ACACA: variants seen among roughly 807,000 people sequenced by gnomAD.
ACACA encodes acetyl-CoA carboxylase alpha, also known as acetyl-CoA carboxylase 1.
Under a neutral mutation model 296.1 loss-of-function variants are expected in ACACA, and 103 were observed. The observed-to-expected ratio is 0.35, with a 90% CI of 0.30 to 0.41. The LOEUF is 0.41. Ranked by LOEUF, ACACA falls within the 10% of genes least tolerant of loss-of-function variation. ACACA has a pLI of 1.00. For missense variants in ACACA, 1,554 were observed against 2,989.7 expected, an observed-to-expected ratio of 0.52 and a Z score of 11.20; for synonymous variants, 953 against 1,038.6, an observed-to-expected ratio of 0.92 and a Z score of 1.58.
intron 1 of ACACA, chr17:37,391,730 T>G: frequency 6.2e-7 from 1 of 1,611,182 alleles, no homozygotes; most frequent in South Asian, 1.1e-5. Context: ...TCTGAAAAGT[T>G]CTGCTCTATC....
chr17:37,256,775 A>C (rs1200714703), intron 14 of ACACA, among the ~76,000 whole-genome samples: 1 of 152,174 alleles, frequency 6.6e-6, no homozygotes, highest in Non-Finnish European at 1.5e-5. Context: ...TATAAAACTA[A>C]TCAATAAGTG....
intron 39 of ACACA, among the ~76,000 whole-genome samples, chr17:37,183,179 T>G (rs575752486): frequency 6.6e-6 from 1 of 152,132 alleles, no homozygotes; most frequent in Non-Finnish European, 1.5e-5. Flanking sequence ...AGACAAGACC[T>G]TGAGACTCGG....
chr17:37,120,824 T>C (rs1053521836), intron 50 of ACACA, among the ~76,000 whole-genome samples: 1 of 152,202 alleles, frequency 6.6e-6, no homozygotes, highest in Non-Finnish European at 1.5e-5. Flanking sequence ...TCCCATAGCA[T>C]GGAGTAGAGC....
At chr17:37,248,811 G>A in intron 16 of ACACA, 137 bp from the exon 17 acceptor site, 1 of 628,388 alleles carries the variant, frequency 1.6e-6, no homozygotes, top group South Asian at 1.5e-5. Flanking sequence ...TCGTTTGTAA[G>A]GAATTGATCA....
intron 27 of ACACA, among the ~76,000 whole-genome samples, chr17:37,223,896 TC>T (rs2079411514): frequency 6.6e-6 from 1 of 152,272 alleles, no homozygotes; most frequent in Non-Finnish European, 1.5e-5. Flanking sequence ...CTGACATTTA[TC>T]TGAACTCTCT....
chr17:37,207,617 A>C (rs762656885), intron 31 of ACACA, 40 bp downstream of exon 31: 3 of 1,612,416 alleles, frequency 1.9e-6, no homozygotes, highest in Admixed American at 1.7e-5. Context: ...ACAGATGTCC[A>C]TGGCTCCCCT....
chr17:37,195,475 T>C (rs1260044094), intron 35 of ACACA, among the ~76,000 whole-genome samples: 1 of 152,084 alleles, frequency 6.6e-6, no homozygotes, highest in Non-Finnish European at 1.5e-5. Context: ...AAAACCACTT[T>C]CATTAAGGTT....
intron 25 of ACACA, among the ~76,000 whole-genome samples, chr17:37,226,712 G>A (rs1046276170): frequency 2.0e-5 from 3 of 152,068 alleles, no homozygotes; most frequent in Admixed American, 1.3e-4. Flanking sequence ...CTTTTAACAC[G>A]CAGAAGGAAT....
At chr17:37,351,178 C>T (rs1490700842) in intron 1 of ACACA, among the ~76,000 whole-genome samples, 1 of 151,880 alleles carries the variant, frequency 6.6e-6, no homozygotes, top group East Asian at 1.9e-4. Flanking sequence ...AATGTTGAAA[C>T]AGGCTGGGTG....
chr17:37,210,516 T>A (rs896166501), intron 29 of ACACA, 26 bp from the exon 30 acceptor site: 4 of 1,606,154 alleles, frequency 2.5e-6, no homozygotes, highest in Non-Finnish European at 3.4e-6. Flanking sequence ...CACAGTTAGT[T>A]ACTGATAAGT....
intron 48 of ACACA, among the ~76,000 whole-genome samples, chr17:37,123,987 A>G (rs994846317): frequency 2.0e-5 from 3 of 152,238 alleles, no homozygotes; most frequent in African/African-American, 7.2e-5. Context: ...GCACATGAAG[A>G]TGCTACATCT....
At chr17:37,140,872 C>T (rs971752292) in intron 45 of ACACA, 32 of 243,828 alleles carry the variant, frequency 1.3e-4, no homozygotes, top group Non-Finnish European at 2.1e-4. Flanking sequence ...GCACCAGGGC[C>T]GAGATGATGC....
chr17:37,299,651 G>C, intron 3 of ACACA: 3 of 1,113,704 alleles, frequency 2.7e-6, no homozygotes, highest in Non-Finnish European at 3.3e-6. Flanking sequence ...ATAAAAGCTT[G>C]TTTAACTAGA....
Position 37,406,289 on chromosome 17 carries a change from GACC to G in ACACA, c.8_10del (p.Trp3del). The G allele has an allele frequency of 6.2e-7, 1 of 1,614,166 alleles. No individual in the cohort carries two copies. Among genetic ancestry groups the G allele is most frequent in the East Asian group, 2.2e-5 (1 of 44,884 alleles). ...AGCCCTCAAGATTGACATCAGAGTA[GACC>G]ACCACATCCTCTCATCATTGCGCCT... On this transcript the variant is annotated inframe_deletion, in exon 1 of 56. Coordinates refer to ENST00000616317, the MANE Select transcript of ACACA (RefSeq NM_198834.3).
At chr17:37,172,901 G>A (rs1012469765) in intron 41 of ACACA, among the ~76,000 whole-genome samples, 6 of 152,076 alleles carry the variant, frequency 3.9e-5, no homozygotes, top group Non-Finnish European at 8.8e-5. Flanking sequence ...GACCCGCTTC[G>A]CTTAGGTCTA....
chr17:37,376,261 T>A (rs2049998423), intron 1 of ACACA: 1 of 877,302 alleles, frequency 1.1e-6, no homozygotes, highest in African/African-American at 1.6e-5. Flanking sequence ...CAAGCAATAC[T>A]TTCCAGAGTT....
chr17:37,236,445 A>T (rs889756220), intron 24 of ACACA, among the ~76,000 whole-genome samples: 1 of 152,094 alleles, frequency 6.6e-6, no homozygotes, highest in African/African-American at 2.4e-5. Flanking sequence ...GTGAGGGGAG[A>T]CATTAACAGA....
chr17:37,313,296 A>G (rs1258598035), intron 3 of ACACA, among the ~76,000 whole-genome samples: 1 of 152,006 alleles, frequency 6.6e-6, no homozygotes, highest in African/African-American at 2.4e-5. Flanking sequence ...CTTAAAATAG[A>G]AGTTGAAGGG....
chr17:37,193,271 G>A, intron 36 of ACACA, 103 bp downstream of exon 36: 1 of 882,584 alleles, frequency 1.1e-6, no homozygotes, highest in African/African-American at 1.7e-5. Context: ...TTCAATAAGA[G>A]AAAAAAGAAT....
Sources: gnomAD v4.1 joint callset for allele counts (sites outside exome capture counted in the v4.1 genomes callset) on GRCh38, gnomAD v4.1.1 for gene constraint, MANE v1.5 for transcripts, NCBI Gene and HGNC (gene_info 2026-07-23, HGNC 2026-07-21) for gene names.